The following PLA2G4A variants were observed in gnomAD, a reference collection of about 807,000 sequenced individuals.
PLA2G4A encodes the protein cytosolic phospholipase A2.
PLA2G4A carries 40 observed loss-of-function variants against 81.9 expected under a neutral mutation model. That is an observed-to-expected ratio of 0.49 (90% CI 0.38 to 0.64). The LOEUF (loss-of-function observed/expected upper bound fraction) is 0.64, where lower values mean the gene tolerates loss of function less well. Among genes scored for constraint, PLA2G4A ranks in the 30% least tolerant of loss-of-function variants. The pLI, the probability that PLA2G4A is intolerant of heterozygous loss-of-function variation, is 0.00. For synonymous variants in PLA2G4A, 302 were observed against 296.9 expected (o/e 1.02, Z -0.18); for missense variants, 715 against 905.1 (o/e 0.79, Z 2.69).
intron 8 of PLA2G4A, among the ~76,000 whole-genome samples, chr1:186,933,393 A>G (rs535737915): frequency 3.7e-4 from 57 of 152,306 alleles, no homozygotes; most frequent in African/African-American, 1.3e-3. Flanking sequence ...AATATATTTC[A>G]TTGATTTTCA....
Position 186,855,266 on chromosome 1 carries a change from C to G in PLA2G4A, c.33+879C>G, listed in dbSNP as rs948862962. On this transcript the variant is annotated intron_variant, in intron 2 of 17. Transcript: ENST00000367466. ...CAATAAACTCTTCAGTCCCCCCACT[C>G]CTTCTACCCAACTCTGCTGCTCATT... Among the ~76,000 whole-genome samples, 3 of 152,080 alleles carry G rather than the reference C, an allele frequency of 2.0e-5. No individual in the cohort carries two copies. The East Asian group carries it at 5.8e-4, about 29-fold the overall frequency.
intron 8 of PLA2G4A, among the ~76,000 whole-genome samples, chr1:186,936,067 T>G (rs936431424): frequency 1.3e-5 from 2 of 151,974 alleles, no homozygotes; most frequent in Non-Finnish European, 2.9e-5. Flanking sequence ...TAGTACAGCT[T>G]TCTTCCTCAG....
intron 5 of PLA2G4A, among the ~76,000 whole-genome samples, chr1:186,906,107 C>T (rs1461064259): frequency 6.6e-6 from 1 of 152,068 alleles, no homozygotes; most frequent in Non-Finnish European, 1.5e-5. Flanking sequence ...TTATGGTAAC[C>T]TGATACAATA....
intron 5 of PLA2G4A, among the ~76,000 whole-genome samples, chr1:186,897,417 G>A (rs554336484): frequency 4.6e-5 from 7 of 151,866 alleles, no homozygotes; most frequent in South Asian, 2.1e-4. Context: ...TAAAATGAAG[G>A]GTTGGATTAA....
chr1:186,909,710 C>G lies in PLA2G4A; in HGVS notation c.417-1538C>G, dbSNP rs370174711. Among the ~76,000 whole-genome samples the G allele has an allele frequency of 3.3e-5, 5 of 151,416 alleles. No homozygotes were observed. In the East Asian group the frequency reaches 7.7e-4, roughly 23 times the overall value. On this transcript the variant is annotated intron_variant, in intron 6 of 17. Transcript: ENST00000367466. The stretch of plus-strand genomic sequence containing the variant: ...AACTCACTGTCTTACTCTTTTCCCC[C>G]GTTACATGATTTCCAAAATCATATT...
chr1:186,839,592 T>G (rs1458597393), intron 1 of PLA2G4A, among the ~76,000 whole-genome samples: 1 of 152,176 alleles, frequency 6.6e-6, no homozygotes, highest in Non-Finnish European at 1.5e-5. Context: ...GGCACAGTTC[T>G]CCAGCTTGCT....
At chr1:186,976,225 T>C (rs960741001) in intron 15 of PLA2G4A, among the ~76,000 whole-genome samples, 5 of 152,172 alleles carry the variant, frequency 3.3e-5, no homozygotes, top group Admixed American at 3.3e-4. Context: ...AGTCGACCAC[T>C]ATTGATTGCT....
intron 7 of PLA2G4A, among the ~76,000 whole-genome samples, chr1:186,925,324 C>T (rs570578543): frequency 3.3e-5 from 5 of 152,096 alleles, no homozygotes; most frequent in Non-Finnish European, 5.9e-5. Flanking sequence ...ACTTGTCTTC[C>T]CTCTTCCCAC....
chr1:186,950,492 A>G (rs1656517050), intron 12 of PLA2G4A, among the ~76,000 whole-genome samples, 165 bp from the exon 13 acceptor site: 1 of 152,196 alleles, frequency 6.6e-6, no homozygotes, highest in African/African-American at 2.4e-5. Flanking sequence ...ATCTGAGAAC[A>G]TGATTAAATC....
At chr1:186,940,614 T>C (rs1309774149) in intron 10 of PLA2G4A, among the ~76,000 whole-genome samples, 2 of 152,194 alleles carry the variant, frequency 1.3e-5, no homozygotes, top group Non-Finnish European at 2.9e-5. Flanking sequence ...AAATCATCTC[T>C]AGGTTATTTA....
In PLA2G4A at chr1:186,936,373, C is replaced by G. The variant is rs542435495; in HGVS notation, c.696-2635C>G. ...GTTGTTTAACAGCTAAGTTTGTCTT[C>G]TTCCCTAATGAATCTCTCTTACCTA... is the stretch of plus-strand genomic sequence containing the variant. On this transcript the variant is annotated intron_variant, in intron 8 of 17. Transcript: ENST00000367466. Among the ~76,000 whole-genome samples the G allele has an allele frequency of 3.9e-5, 6 of 152,112 alleles. No homozygotes were observed. The South Asian group carries it at 1.2e-3, about 31-fold the overall frequency.
At chr1:186,872,610 C>T (rs1653321328) in intron 3 of PLA2G4A, among the ~76,000 whole-genome samples, 2 of 151,888 alleles carry the variant, frequency 1.3e-5, no homozygotes, top group Non-Finnish European at 1.5e-5. Flanking sequence ...AAACTTTATA[C>T]TCCATGAGTC....
chr1:186,913,649 T>C (rs1370719817), intron 7 of PLA2G4A, among the ~76,000 whole-genome samples: 2 of 144,542 alleles, frequency 1.4e-5, no homozygotes, highest in Non-Finnish European at 3.1e-5. Flanking sequence ...ATATTTTAAA[T>C]ACATAAGTAA....
At chr1:186,953,817 G>A (rs1195700823) in intron 13 of PLA2G4A, among the ~76,000 whole-genome samples, 2 of 152,174 alleles carry the variant, frequency 1.3e-5, no homozygotes, top group Non-Finnish European at 2.9e-5. Context: ...ATGGAAGTGA[G>A]GGCTTATTGA....
intron 7 of PLA2G4A, among the ~76,000 whole-genome samples, chr1:186,924,422 T>G (rs187712879): frequency 6.6e-6 from 1 of 152,216 alleles, no homozygotes; most frequent in East Asian, 1.9e-4. Flanking sequence ...TCCTTACATT[T>G]TGAAACATTG....
rs113560703 is a variant in PLA2G4A, at chr1:186,885,068, G to A, written c.116-7943G>A. On this transcript the variant is annotated intron_variant, in intron 3 of 17. Transcript: ENST00000367466. ...CTTTGTCAACCTCAAAGGACTTGGG[G>A]TATAAAGACTGGATTTTAGGACAAA... is the stretch of plus-strand genomic sequence containing the variant. Among the ~76,000 whole-genome samples the A allele has an allele frequency of 7.1e-3, 1,077 of 152,148 alleles. 8 individuals are homozygous for A. The highest frequency in any genetic ancestry group is 0.01 in the Non-Finnish European group (704 of 67,990).
chr1:186,975,468 G>A (rs986457791), intron 15 of PLA2G4A, among the ~76,000 whole-genome samples: 3 of 152,150 alleles, frequency 2.0e-5, no homozygotes, highest in Non-Finnish European at 4.4e-5. Flanking sequence ...CTGAATGTAA[G>A]CCTGTATGAT....
chr1:186,920,037 C>T (rs1005855491), intron 7 of PLA2G4A, among the ~76,000 whole-genome samples: 2 of 152,174 alleles, frequency 1.3e-5, no homozygotes, highest in Admixed American at 1.3e-4. Flanking sequence ...CGTCTATGAG[C>T]ACGGGGGCTT....
intron 14 of PLA2G4A, among the ~76,000 whole-genome samples, chr1:186,956,818 T>C (rs1362704078): frequency 6.6e-6 from 1 of 151,724 alleles, no homozygotes; most frequent in Non-Finnish European, 1.5e-5. Context: ...CTGGCCTGGA[T>C]TTTTTTTTAA....
Sources: allele counts gnomAD v4.1 joint callset (sites outside exome capture counted in the v4.1 genomes callset), GRCh38; gene constraint gnomAD v4.1.1; transcripts MANE v1.5; gene names NCBI Gene and HGNC (gene_info 2026-07-23, HGNC 2026-07-21).